Variants in CPEB2 observed in about 807,000 individuals in gnomAD.
CPEB2 encodes the protein cytoplasmic polyadenylation element binding protein 2.
CPEB2 carries 56 observed loss-of-function variants against 93.6 expected under a neutral mutation model. The ratio of observed to expected loss-of-function variants is 0.60; its 90% confidence interval spans 0.48 to 0.75. The LOEUF is 0.75. CPEB2 is among the 30% of genes least tolerant of loss of function. CPEB2 has a pLI of 0.00. For synonymous variants in CPEB2, 764 were observed against 586.3 expected, an observed-to-expected ratio of 1.30 and a Z score of -4.38; for missense variants, 1,579 against 1,395.1, an observed-to-expected ratio of 1.13 and a Z score of -2.10.
intron 4 of CPEB2, 96 bp downstream of exon 4, chr4:15,017,374 T>C: frequency 3.6e-6 from 2 of 559,518 alleles, no homozygotes; most frequent in South Asian, 5.2e-5. Context: ...GTAGCACCTA[T>C]ATCCAATATA....
intron 4 of CPEB2, among the ~76,000 whole-genome samples, chr4:15,030,753 A>G (rs967642376): frequency 6.6e-6 from 1 of 152,100 alleles, no homozygotes; most frequent in Non-Finnish European, 1.5e-5. Context: ...AGTATTTATA[A>G]TATGTATACA....
chr4:15,053,887 C>T (rs143564574), intron 7 of CPEB2, among the ~76,000 whole-genome samples: 36 of 152,058 alleles, frequency 2.4e-4, no homozygotes, highest in African/African-American at 8.4e-4. Flanking sequence ...TTTTAAAATT[C>T]ACATGGAATT....
In CPEB2 at chr4:15,040,545, G is replaced by A. The variant is rs114053092; in HGVS notation, c.2200+58G>A. The A allele has an allele frequency of 1.3e-3, 1,899 of 1,412,558 alleles. 14 individuals are homozygous for A. In the African/African-American group the frequency reaches 0.02, roughly 15 times the overall value. The allele number at this position is 1,412,558 out of a possible 1,614,324, so 87.5% of individuals were successfully genotyped here. A position where few individuals can be genotyped will look rare whatever the true frequency, so the allele number is the denominator to read the frequency against. Reference sequence around the variant, plus strand: ...TTTCTAATGGGGTTTACTGATCAATGTTGTAATTAATTACTCTAGATTTTT... The same window carrying A: ...TTTCTAATGGGGTTTACTGATCAATATTGTAATTAATTACTCTAGATTTTT... On this transcript the variant is annotated intron_variant, in intron 6 of 11. Coordinates refer to ENST00000538197, the MANE Select transcript of CPEB2 (RefSeq NM_001177382.2).
intron 5 of CPEB2, among the ~76,000 whole-genome samples, chr4:15,036,129 C>T (rs1372785784): frequency 6.6e-6 from 1 of 152,018 alleles, no homozygotes; most frequent in Non-Finnish European, 1.5e-5. Flanking sequence ...GTGTCTCTGG[C>T]AAATCCTTAA....
At position 15,003,059 on chromosome 4, in the gene CPEB2, C is replaced by A. The variant is rs1302445053; in HGVS notation, c.386C>A (p.Ala129Glu). 2 of 1,520,428 alleles carry A rather than the reference C, an allele frequency of 1.3e-6. No individual in the cohort carries two copies. The highest frequency in any genetic ancestry group is 8.8e-7 in the Non-Finnish European group (1 of 1,142,188). 94.2% of individuals were successfully genotyped at this position (1,520,428 alleles called of 1,614,324 possible). A position where few individuals can be genotyped will look rare whatever the true frequency, so the allele number is the denominator to read the frequency against. Residue 129 changes from alanine (A) to glutamate (E), a missense_variant, in exon 1 of 12, where the codon GCG becomes GAG. Transcript: ENST00000538197. ...CACCACCCCGGCGGCGGCACGATCG[C>A]GGGTGTGACCCACCTCCTCCCCTCC... is the stretch of plus-strand genomic sequence containing the variant. ...PDHHPGGGTIAGVTHLLPSQD... is the reference protein window; with the variant it reads ...PDHHPGGGTIEGVTHLLPSQD...
At chr4:15,005,979 C>G (rs143953776) in intron 1 of CPEB2, among the ~76,000 whole-genome samples, 59 of 152,162 alleles carry the variant, frequency 3.9e-4, no homozygotes, top group African/African-American at 1.3e-3. Flanking sequence ...GAACATATAC[C>G]ATGATCCATA....
In CPEB2 at chr4:15,066,395, C is replaced by A; in HGVS notation, c.*15C>A. 6.4e-7 allele frequency: 1 copy of A among 1,557,584 alleles called. No homozygotes were observed. Among genetic ancestry groups the A allele is most frequent in the Non-Finnish European group, 8.8e-7 (1 of 1,142,534 alleles). Reference sequence around the variant, plus strand: ...GCTGGAACTAAGAATAGCAAACTGGCCTCTGTTTAACAAGGAAAGAAAGGG... The same window carrying A: ...GCTGGAACTAAGAATAGCAAACTGGACTCTGTTTAACAAGGAAAGAAAGGG... On this transcript the variant is annotated 3_prime_UTR_variant, in exon 12 of 12. Coordinates refer to ENST00000538197, the MANE Select transcript of CPEB2 (RefSeq NM_001177382.2).
intron 6 of CPEB2, among the ~76,000 whole-genome samples, chr4:15,040,782 C>T (rs530716874): frequency 6.6e-6 from 1 of 152,166 alleles, no homozygotes; most frequent in South Asian, 2.1e-4. Context: ...GGTTTGTCTG[C>T]TTAAATATGT....
chr4:15,004,406 G>C, intron 1 of CPEB2, 71 bp downstream of exon 1: 1 of 1,166,068 alleles, frequency 8.6e-7, no homozygotes, highest in Non-Finnish European at 1.1e-6. Context: ...GGCGGGGGCA[G>C]GGCAGCCGGG....
Position 15,003,122 on chromosome 4 carries a change from C to G in CPEB2, c.449C>G (p.Ser150Cys). The G allele has an allele frequency of 6.5e-7, 1 of 1,532,888 alleles. No individual in the cohort carries two copies. The highest frequency in any genetic ancestry group is 8.7e-7 in the Non-Finnish European group (1 of 1,145,706). 95.0% of individuals were successfully genotyped at this position (1,532,888 alleles called of 1,614,324 possible). Reference sequence around the variant, plus strand: ...CCGAGTCTGCACCACCCCTCCTCCTCCTCCGCCTCCTCCTGCTGCTGCTGC... The same window carrying G: ...CCGAGTCTGCACCACCCCTCCTCCTGCTCCGCCTCCTCCTGCTGCTGCTGC... ...FKPSLHHPSS[S>C]SASSCCCCRT... Residue 150 changes from serine (S) to cysteine (C), a missense_variant, in exon 1 of 12, where the codon TCC (serine) becomes TGC (cysteine). This residue lies in a region of CPEB2 where 1,411 missense variants were observed against 1,056.0 expected (regional missense o/e 1.34). Coordinates refer to ENST00000538197, the MANE Select transcript of CPEB2 (RefSeq NM_001177382.2).
intron 6 of CPEB2, among the ~76,000 whole-genome samples, chr4:15,040,769 T>A (rs1727093320): frequency 6.6e-6 from 1 of 152,206 alleles, no homozygotes; most frequent in South Asian, 2.1e-4. Flanking sequence ...AGCTGCTGTT[T>A]ATGGTTTGTC....
chr4:15,056,502 C>T (rs1728725845), intron 8 of CPEB2, among the ~76,000 whole-genome samples: 7 of 152,118 alleles, frequency 4.6e-5, no homozygotes, highest in Admixed American at 3.9e-4. Flanking sequence ...TATTTAGTTT[C>T]TCTAATCGAA....
intron 4 of CPEB2, among the ~76,000 whole-genome samples, chr4:15,025,340 A>T (rs910772836): frequency 6.6e-6 from 1 of 151,880 alleles, no homozygotes; most frequent in Middle Eastern, 3.4e-3. Flanking sequence ...AGTTCCTTAT[A>T]TTGTCTGTGC....
Position 15,053,315 on chromosome 4 carries a change from C to T in CPEB2, c.2371+731C>T, listed in dbSNP as rs2604579. Among the ~76,000 whole-genome samples, 1,176 of 152,078 alleles carry T rather than the reference C, an allele frequency of 7.7e-3. 16 individuals are homozygous for T. The highest frequency in any genetic ancestry group is 0.027 in the African/African-American group (1,115 of 41,456). On this transcript the variant is annotated intron_variant, in intron 7 of 11. Transcript: ENST00000538197. ...ACAGGCATGAGCCACCATACCCGGC[C>T]AAAAGTTTAATTTCTTTAAGGATAA...
At chr4:15,054,238 T>C (rs760749090) in intron 8 of CPEB2, 21 bp downstream of exon 8, 10 of 1,562,534 alleles carry the variant, frequency 6.4e-6, no homozygotes, top group Non-Finnish European at 8.8e-6. Flanking sequence ...TTATTGTTAA[T>C]ATTTGCTAGG....
In CPEB2 at chr4:15,004,081, C is replaced by T. The variant is rs1487414725; in HGVS notation, c.1408C>T (p.Pro470Ser). ...AFFPSFSPVS[P>S]HGCTGLSVPT... ...CTTCCCTAGCTTCTCGCCCGTGTCG[C>T]CGCACGGCTGCACTGGGCTCAGCGT... Residue 470 changes from proline to serine, a missense_variant, in exon 1 of 12, where the codon CCG becomes TCG. Physicochemically the swap from Pro to Ser is moderately conservative, Grantham distance 74. Transcript: ENST00000538197. The T allele has an allele frequency of 1.3e-6, 2 of 1,565,596 alleles. No individual in the cohort carries two copies. The highest frequency in any genetic ancestry group is 8.6e-7 in the Non-Finnish European group (1 of 1,158,892).
At chr4:15,004,892 C>CT (rs1577352339) in intron 1 of CPEB2, 1 of 152,236 alleles carries the variant, frequency 6.6e-6, no homozygotes, top group Non-Finnish European at 1.5e-5. Flanking sequence ...GCCCAAGACT[C>CT]TGTCTCGCTG....
Position 15,017,572 on chromosome 4 carries a change from G to T in CPEB2, c.2125+294G>T, listed in dbSNP as rs541166828. The T allele has an allele frequency of 1.3e-4, 26 of 201,090 alleles. No homozygotes were observed. In the East Asian group the frequency reaches 2.9e-3, roughly 22 times the overall value. 12.5% of individuals were successfully genotyped at this position (201,090 alleles called of 1,614,324 possible). ...AAAGTATACACTAGTCACTTTTCTA[G>T]AATTCTTTCAAGTACAAAAATACTA... On this transcript the variant is annotated intron_variant, in intron 4 of 11. Coordinates refer to ENST00000538197, the MANE Select transcript of CPEB2 (RefSeq NM_001177382.2).
At chr4:15,006,871 T>C (rs1049685118) in intron 1 of CPEB2, among the ~76,000 whole-genome samples, 1 of 152,218 alleles carries the variant, frequency 6.6e-6, no homozygotes, top group Non-Finnish European at 1.5e-5. Context: ...ATTTCACTTG[T>C]ATGAGTAGGA....
Sources: gnomAD v4.1 joint callset for allele counts (sites outside exome capture counted in the v4.1 genomes callset) on GRCh38, gnomAD v4.1.1 for gene constraint, gnomAD v4.1.1 regional missense constraint, MANE v1.5 for transcripts, NCBI Gene and HGNC (gene_info 2026-07-23, HGNC 2026-07-21) for gene names.